The following FOCAD variants were observed in gnomAD, a reference collection of about 807,000 sequenced individuals.
The protein encoded by FOCAD is focadhesin.
Under a neutral mutation model 225.6 loss-of-function variants are expected in FOCAD, and 198 were observed. The observed-to-expected ratio is 0.88, with a 90% CI of 0.78 to 0.99. The LOEUF is 0.99. Among genes scored for constraint, FOCAD ranks in the 50% least tolerant of loss-of-function variants. The probability of loss-of-function intolerance (pLI) is 0.00; values close to 1 mark genes in which losing one functional copy is unlikely to be tolerated. For missense variants in FOCAD, 2,713 were observed against 2,123.6 expected, an observed-to-expected ratio of 1.28 and a Z score of -5.46; for synonymous variants, 897 against 755.0, an observed-to-expected ratio of 1.19 and a Z score of -3.08.
intron 15 of FOCAD, among the ~76,000 whole-genome samples, chr9:20,828,041 A>C (rs1488383662): frequency 1.3e-5 from 2 of 151,794 alleles, no homozygotes; most frequent in Admixed American, 6.6e-5. Context: ...GCATGGTGGC[A>C]CACACCTGTT....
At chr9:20,692,184 A>G (rs901717359) in intron 1 of FOCAD, among the ~76,000 whole-genome samples, 1 of 152,128 alleles carries the variant, frequency 6.6e-6, no homozygotes, top group African/African-American at 2.4e-5. Flanking sequence ...ACTAATATAT[A>G]TTTCAAACTA....
chr9:20,834,562 C>T (rs1231722485), intron 15 of FOCAD, among the ~76,000 whole-genome samples: 1 of 151,984 alleles, frequency 6.6e-6, no homozygotes, highest in Admixed American at 6.6e-5. Flanking sequence ...AGGAATGGAC[C>T]ACTGCTACTT....
intron 23 of FOCAD, among the ~76,000 whole-genome samples, chr9:20,913,940 T>A (rs140034892): frequency 6.6e-6 from 1 of 151,996 alleles, no homozygotes; most frequent in African/African-American, 2.4e-5. Context: ...TATATATGAG[T>A]ATAAAGGAGT....
At chr9:20,905,217 C>T (rs558071572) in intron 21 of FOCAD, among the ~76,000 whole-genome samples, 91 of 152,052 alleles carry the variant, frequency 6.0e-4, no homozygotes, top group Middle Eastern at 3.4e-3. Context: ...GCTCCTGTAC[C>T]CACCTTCAGC....
rs550417086 is a variant in FOCAD at position 20,771,387 on chromosome 9, C to T, written c.906+1149C>T. Among the ~76,000 whole-genome samples the T allele has an allele frequency of 1.4e-3, 218 of 152,194 alleles. 2 individuals are homozygous for T. The highest frequency in any genetic ancestry group is 4.9e-3 in the African/African-American group (203 of 41,526). ...AGGAAGATGGAGGAGGGTTTGGGAC[C>T]GCACACCACTAATAGGGTAGGAAGT... On this transcript the variant is annotated intron_variant, in intron 8 of 43. Coordinates refer to ENST00000338382, the MANE Select transcript of FOCAD (RefSeq NM_001375567.1).
intron 10 of FOCAD, chr9:20,787,066 C>A: frequency 2.7e-6 from 1 of 374,148 alleles, no homozygotes; most frequent in East Asian, 8.2e-5. Context: ...TCTCCTGCTG[C>A]TCTAACCTTA....
rs1840246665 is a variant in FOCAD at position 20,976,512 on chromosome 9, G to A, written c.4225G>A (p.Ala1409Thr). 3 of 1,613,134 alleles carry A rather than the reference G, an allele frequency of 1.9e-6. No homozygotes were observed. The highest frequency in any genetic ancestry group is 1.7e-5 in the Admixed American group (1 of 59,978). ...ESYQYPPVNW[A>T]ALLSPLMRLN... is the part of the protein sequence containing the mutation. The stretch of plus-strand genomic sequence containing the variant: ...CTACCAATATCCTCCTGTGAACTGG[G>A]CTGCACTTCTCTCTCCACTTATGAG... The change falls in exon 36 of 44, where the codon GCT becomes ACT. Residue 1409 changes from alanine (A) to threonine (T), a missense_variant. Coordinates refer to ENST00000338382, the MANE Select transcript of FOCAD (RefSeq NM_001375567.1).
intron 1 of FOCAD, among the ~76,000 whole-genome samples, chr9:20,714,873 T>C (rs1182294905): frequency 6.6e-6 from 1 of 152,192 alleles, no homozygotes; most frequent in Non-Finnish European, 1.5e-5. Context: ...AAAGTTCACC[T>C]AGGCTTCACA....
chr9:20,861,657 C>G (rs995988921), intron 15 of FOCAD, among the ~76,000 whole-genome samples: 20 of 152,118 alleles, frequency 1.3e-4, no homozygotes, highest in Non-Finnish European at 7.4e-5. Context: ...TTTTCATTTA[C>G]TACCTTATGT....
At chr9:20,773,804 G>A (rs528095800) in intron 8 of FOCAD, among the ~76,000 whole-genome samples, 2 of 152,190 alleles carry the variant, frequency 1.3e-5, no homozygotes, top group South Asian at 2.1e-4. Flanking sequence ...GAATAACCTG[G>A]CTTGTGTGAG....
chr9:20,658,561 C>T (rs1197617303), intron 1 of FOCAD: 1 of 154,406 alleles, frequency 6.5e-6, no homozygotes, highest in Non-Finnish European at 1.4e-5. Flanking sequence ...TCTGTCACCC[C>T]TTTCTTTGAC....
intron 8 of FOCAD, among the ~76,000 whole-genome samples, chr9:20,776,459 A>AAATC (rs1454747889): frequency 6.6e-6 from 1 of 152,236 alleles, no homozygotes; most frequent in Admixed American, 6.5e-5. Flanking sequence ...TGTCCATTAA[A>AAATC]AATCAATCAA....
At chr9:20,684,955 A>T (rs1822571698) in intron 1 of FOCAD, among the ~76,000 whole-genome samples, 1 of 152,216 alleles carries the variant, frequency 6.6e-6, no homozygotes, top group Non-Finnish European at 1.5e-5. Context: ...GTTATGTTGC[A>T]TTTACCCTTC....
chr9:20,882,119 C>T (rs1436965242), intron 20 of FOCAD, 63 bp downstream of exon 20: 1 of 1,423,350 alleles, frequency 7.0e-7, no homozygotes, highest in Non-Finnish European at 9.6e-7. Flanking sequence ...CTTCCACTTT[C>T]AAGTAGGATA....
At chr9:20,946,243 G>A (rs959676371) in intron 29 of FOCAD, among the ~76,000 whole-genome samples, 2 of 152,050 alleles carry the variant, frequency 1.3e-5, no homozygotes, top group African/African-American at 4.8e-5. Context: ...CTTCTCCTAG[G>A]GAATCTTAAT....
intron 5 of FOCAD, among the ~76,000 whole-genome samples, chr9:20,752,926 G>A (rs1177290306): frequency 6.7e-6 from 1 of 148,932 alleles, no homozygotes; most frequent in East Asian, 2.0e-4. Flanking sequence ...AAGCAATTGG[G>A]AATGGGAGTT....
chr9:20,944,800 T>C lies in FOCAD; in HGVS notation c.3555+26T>C, dbSNP rs748546031. The C allele has an allele frequency of 8.2e-6, 13 of 1,586,502 alleles. No individual in the cohort carries two copies. The African/African-American group carries it at 1.5e-4, about 18-fold the overall frequency. On this transcript the variant is annotated intron_variant, in intron 29 of 43. Transcript: ENST00000338382. ...GTAAGAGATGGAGGCTACATTTTTTTCCCCTCTGCTCTCTTTTGTTTTCTT... is the reference window on the plus strand; with the variant it reads ...GTAAGAGATGGAGGCTACATTTTTTCCCCCTCTGCTCTCTTTTGTTTTCTT...
intron 11 of FOCAD, among the ~76,000 whole-genome samples, chr9:20,794,224 T>G (rs1272916016): frequency 6.6e-6 from 1 of 152,116 alleles, no homozygotes; most frequent in Admixed American, 6.6e-5. Context: ...GAGCAGGAGG[T>G]AATGTCCTAA....
Position 20,694,773 on chromosome 9 carries a change from T to G in FOCAD, c.-33+10480T>G, listed in dbSNP as rs192881136. 8.1e-3 allele frequency among the ~76,000 whole-genome samples: 1,234 copies of G among 152,332 alleles called. 10 individuals carry two copies. Among genetic ancestry groups the G allele is most frequent in the Admixed American group, 0.011 (163 of 15,308 alleles). ...TTCTTCCCTAGTAATTGTCTTTAAT[T>G]AATAAGGACTTCTTAAAGTACTATT... On this transcript the variant is annotated intron_variant, in intron 1 of 43. Coordinates refer to ENST00000338382, the MANE Select transcript of FOCAD (RefSeq NM_001375567.1).
Sources: allele counts gnomAD v4.1 joint callset (sites outside exome capture counted in the v4.1 genomes callset), GRCh38; gene constraint gnomAD v4.1.1; transcripts MANE v1.5; gene names NCBI Gene and HGNC (gene_info 2026-07-23, HGNC 2026-07-21).